The following MCC variants were observed in gnomAD, a reference collection of about 807,000 sequenced individuals.
The protein encoded by MCC is MCC regulator of Wnt signaling pathway.
A neutral mutation model predicts 116.2 loss-of-function variants in MCC; 90 were observed. The ratio of observed to expected loss-of-function variants is 0.77; its 90% CI spans 0.65 to 0.92. The LOEUF is 0.92. Among genes scored for constraint, MCC ranks in the 40% least tolerant of loss-of-function variants. The pLI is 0.00. For synonymous variants in MCC, 578 were observed against 510.5 expected (o/e 1.13, Z -1.78); for missense variants, 1,516 against 1,312.2 (o/e 1.16, Z -2.40).
chr5:113,276,170 C>A (rs1468796421), intron 3 of MCC, among the ~76,000 whole-genome samples: 3 of 152,066 alleles, frequency 2.0e-5, no homozygotes, highest in African/African-American at 7.2e-5. Context: ...TTGCCCCACA[C>A]GCCTCCCCTG....
intron 14 of MCC, among the ~76,000 whole-genome samples, 182 bp from the exon 15 acceptor site, chr5:113,054,141 T>C (rs552196881): frequency 1.3e-5 from 2 of 152,186 alleles, no homozygotes; most frequent in Non-Finnish European, 2.9e-5. Context: ...GAATTAAGTA[T>C]GAAGAATAAC....
At chr5:113,398,637 A>G (rs762183992) in intron 1 of MCC, among the ~76,000 whole-genome samples, 1 of 152,226 alleles carries the variant, frequency 6.6e-6, no homozygotes, top group Non-Finnish European at 1.5e-5. Context: ...ATGGGTACAC[A>G]TGCACATAAA....
chr5:113,326,391 G>A (rs57727389), intron 3 of MCC, among the ~76,000 whole-genome samples: 7,195 of 152,246 alleles, frequency 0.047, 585 homozygotes, highest in African/African-American at 0.16. Flanking sequence ...TGGAGGCTGG[G>A]AAGTCCAAGA....
intron 1 of MCC, among the ~76,000 whole-genome samples, chr5:113,487,788 C>A (rs1211917616): frequency 6.6e-6 from 1 of 152,252 alleles, no homozygotes; most frequent in Non-Finnish European, 1.5e-5. Context: ...CTGTCCGAGG[C>A]TGTCGCTTAG....
chr5:113,338,945 T>C (rs1014935843), intron 3 of MCC, among the ~76,000 whole-genome samples: 3 of 152,190 alleles, frequency 2.0e-5, no homozygotes, highest in Non-Finnish European at 4.4e-5. Context: ...TGCATGTTTA[T>C]ATGTTTTTAA....
chr5:113,291,206 A>G (rs923547257), intron 3 of MCC, among the ~76,000 whole-genome samples: 1 of 152,178 alleles, frequency 6.6e-6, no homozygotes, highest in Non-Finnish European at 1.5e-5. Flanking sequence ...CCTCATGCCC[A>G]ACACCCATCC....
intron 1 of MCC, among the ~76,000 whole-genome samples, chr5:113,453,661 G>A (rs1041951941): frequency 2.6e-5 from 4 of 152,202 alleles, no homozygotes; most frequent in Admixed American, 2.0e-4. Flanking sequence ...CCATTAAGCT[G>A]AATGGGAAGA....
At chr5:113,344,452 G>C (rs985067623) in intron 2 of MCC, among the ~76,000 whole-genome samples, 1 of 152,016 alleles carries the variant, frequency 6.6e-6, no homozygotes, top group Non-Finnish European at 1.5e-5. Flanking sequence ...CATCACCCGG[G>C]TTGGCTAAGA....
At chr5:113,427,742 A>G (rs1175790738) in intron 1 of MCC, among the ~76,000 whole-genome samples, 1 of 152,234 alleles carries the variant, frequency 6.6e-6, no homozygotes, top group Non-Finnish European at 1.5e-5. Context: ...ATTAAATTTA[A>G]GAATTTAGTA....
chr5:113,434,305 G>A lies in MCC; in HGVS notation c.171-49093C>T. On this transcript the variant is annotated intron_variant, in intron 1 of 18. Coordinates refer to ENST00000408903, the MANE Select transcript of MCC (RefSeq NM_001085377.2). The surrounding 1 kb of genome is among the most constrained non-coding windows in gnomAD (Gnocchi z 4.2). ...AGCACCTCTGGGGCCGCATACGCTGGTGACCCACAGAAGGTCTTGCTTAAT... is the reference window on the plus strand; with the variant it reads ...AGCACCTCTGGGGCCGCATACGCTGATGACCCACAGAAGGTCTTGCTTAAT... 1 of 1,614,112 alleles carries A rather than the reference G, an allele frequency of 6.2e-7. No individual in the cohort carries two copies. The highest frequency in any genetic ancestry group is 8.5e-7 in the Non-Finnish European group (1 of 1,179,994).
chr5:113,396,917 A>C (rs1769542903), intron 1 of MCC, among the ~76,000 whole-genome samples: 1 of 152,242 alleles, frequency 6.6e-6, no homozygotes, highest in Admixed American at 6.5e-5. Context: ...CAAAAGAAGA[A>C]GGCAACCTGG....
intron 3 of MCC, among the ~76,000 whole-genome samples, chr5:113,197,870 C>T (rs946578342): frequency 4.6e-5 from 7 of 152,216 alleles, no homozygotes; most frequent in Admixed American, 2.6e-4. Context: ...CCAGGCTATG[C>T]TGCGTTCCGT....
rs1240082979 is a variant in MCC, at chr5:113,063,980, T to A, written c.2213+4A>T. The A allele has an allele frequency of 1.9e-6, 3 of 1,610,564 alleles. No individual in the cohort carries two copies. The African/African-American group carries it at 4.0e-5, about 22-fold the overall frequency. The stretch of plus-strand genomic sequence containing the variant: ...CCACCCCAGAGCAGAAGGCTGAGCA[T>A]TACCTGGTGTGGCTGTTGGAGGAAA... On this transcript the variant is annotated splice_donor_region_variant and intron_variant, in intron 14 of 18. Coordinates refer to ENST00000408903, the MANE Select transcript of MCC (RefSeq NM_001085377.2).
At chr5:113,273,879 C>T (rs995636893) in intron 3 of MCC, among the ~76,000 whole-genome samples, 1 of 152,126 alleles carries the variant, frequency 6.6e-6, no homozygotes, top group African/African-American at 2.4e-5. Context: ...ATGCTCTGTT[C>T]CTGTCTCCTT....
intron 3 of MCC, among the ~76,000 whole-genome samples, chr5:113,311,069 A>C (rs1767124604): frequency 6.6e-6 from 1 of 152,226 alleles, no homozygotes; most frequent in African/African-American, 2.4e-5. Context: ...GTTCATGGTT[A>C]CAGTGAGCTG....
chr5:113,415,669 TA>T (rs752585979), intron 1 of MCC, among the ~76,000 whole-genome samples: 3 of 152,204 alleles, frequency 2.0e-5, no homozygotes, highest in Non-Finnish European at 4.4e-5. Context: ...GCCATTGGTC[TA>T]ATCTTTTTTC....
At chr5:113,144,802 G>C (rs1296217844) in intron 4 of MCC, among the ~76,000 whole-genome samples, 1 of 152,186 alleles carries the variant, frequency 6.6e-6, no homozygotes, top group African/African-American at 2.4e-5. Flanking sequence ...CAGCCTTAGA[G>C]GGATACTTTC....
intron 3 of MCC, among the ~76,000 whole-genome samples, chr5:113,178,741 A>C (rs944518661): frequency 2.0e-5 from 3 of 152,206 alleles, no homozygotes; most frequent in Non-Finnish European, 4.4e-5. Context: ...AAAGAATAAT[A>C]AAATCCTCAA....
At chr5:113,232,618 A>G (rs1039500046) in intron 3 of MCC, among the ~76,000 whole-genome samples, 18 of 152,208 alleles carry the variant, frequency 1.2e-4, no homozygotes, top group Admixed American at 5.9e-4. Flanking sequence ...ACATCAATGT[A>G]CCAACACTTC....
Sources: allele counts gnomAD v4.1 joint callset (sites outside exome capture counted in the v4.1 genomes callset), GRCh38; gene constraint gnomAD v4.1.1; non-coding constraint Gnocchi (gnomAD v3.1); transcripts MANE v1.5; gene names NCBI Gene and HGNC (gene_info 2026-07-23, HGNC 2026-07-21).